The following CDH22 variants were observed in gnomAD, a reference collection of about 807,000 sequenced individuals.
CDH22 encodes cadherin 22, also known as cadherin-22.
CDH22 carries 30 observed loss-of-function variants against 58.4 expected under a neutral mutation model. That is an observed-to-expected ratio of 0.51 (90% CI 0.38 to 0.70). The LOEUF is 0.70. Among genes scored for constraint, CDH22 ranks in the 30% least tolerant of loss-of-function variants. CDH22 has a pLI of 0.00. For missense variants in CDH22, 1,014 were observed against 1,233.9 expected (o/e 0.82, Z 2.67); for synonymous variants, 513 against 558.2 (o/e 0.92, Z 1.14).
chr20:46,210,705 G>A lies in CDH22; in HGVS notation c.1033-145C>T, dbSNP rs1000172161. ...GCAGGGATGTTTGGGCTGCATTGCA[G>A]AACTGACCCAGACCAACCCGGTGGG... On this transcript the variant is annotated intron_variant, in intron 6 of 11. Coordinates refer to ENST00000537909, the MANE Select transcript of CDH22 (RefSeq NM_021248.3). This position sits in a 1 kb window ranked among gnomAD's most constrained non-coding sequence, Gnocchi z 4.5. The A allele has an allele frequency of 5.6e-6, 4 of 717,044 alleles. No homozygotes were observed. In the African/African-American group the frequency reaches 7.5e-5, roughly 13 times the overall value. The allele number at this position is 717,044 out of a possible 1,614,324, so 44.4% of individuals were successfully genotyped here. A position where few individuals can be genotyped will look rare whatever the true frequency, so the allele number is the denominator to read the frequency against.
intron 5 of CDH22, among the ~76,000 whole-genome samples, chr20:46,215,610 T>C (rs1600700477): frequency 6.6e-6 from 1 of 152,158 alleles, no homozygotes; most frequent in Non-Finnish European, 1.5e-5. Context: ...ATTGTTTGCT[T>C]TATAATTATT....
At chr20:46,304,230 C>T (rs1014754701) in intron 1 of CDH22, among the ~76,000 whole-genome samples, 3 of 152,098 alleles carry the variant, frequency 2.0e-5, no homozygotes, top group African/African-American at 4.8e-5. Flanking sequence ...ATGTGCAAAA[C>T]CAAACAAGGA....
At chr20:46,208,063 C>T (rs1568658654) in intron 7 of CDH22, among the ~76,000 whole-genome samples, 1 of 152,224 alleles carries the variant, frequency 6.6e-6, no homozygotes, top group Non-Finnish European at 1.5e-5. Context: ...CTCAAATAAA[C>T]TTTCCCTCCC....
intron 1 of CDH22, among the ~76,000 whole-genome samples, chr20:46,257,735 G>T (rs1307139321): frequency 6.6e-6 from 1 of 152,202 alleles, no homozygotes; most frequent in African/African-American, 2.4e-5. Flanking sequence ...AGGTCCTGCT[G>T]CAGGTAGCAA....
chr20:46,232,447 A>G (rs2086226161), intron 3 of CDH22, among the ~76,000 whole-genome samples: 1 of 152,084 alleles, frequency 6.6e-6, no homozygotes, highest in African/African-American at 2.4e-5. Context: ...GAGACCCCTT[A>G]ATGAGAGAAA....
chr20:46,272,779 T>C (rs1038435611), intron 1 of CDH22, among the ~76,000 whole-genome samples: 6 of 152,252 alleles, frequency 3.9e-5, no homozygotes, highest in Non-Finnish European at 7.3e-5. Context: ...ACAAGGGATG[T>C]CATTTGTTTG....
intron 1 of CDH22, among the ~76,000 whole-genome samples, chr20:46,301,733 C>T (rs148922794): frequency 0.027 from 4,045 of 152,040 alleles, 82 homozygotes; most frequent in Admixed American, 0.033. Context: ...ATTGCTTGAA[C>T]CCGGGAGGCA....
intron 10 of CDH22, among the ~76,000 whole-genome samples, chr20:46,178,570 C>T (rs1351208698): frequency 1.4e-5 from 2 of 142,410 alleles, no homozygotes; most frequent in Non-Finnish European, 3.1e-5. Flanking sequence ...GGCCAAGGTC[C>T]TGTCCCTGGC....
intron 1 of CDH22, among the ~76,000 whole-genome samples, chr20:46,287,348 C>T (rs1441497009): frequency 6.6e-6 from 1 of 152,176 alleles, no homozygotes; most frequent in Non-Finnish European, 1.5e-5. Context: ...TATTAACTCA[C>T]GACTTCATTA....
intron 1 of CDH22, among the ~76,000 whole-genome samples, chr20:46,263,714 G>A (rs2086445296): frequency 6.6e-6 from 1 of 152,162 alleles, no homozygotes; most frequent in Non-Finnish European, 1.5e-5. Flanking sequence ...AAAGGCCAGG[G>A]GAAGAGCAGA....
At chr20:46,231,950 T>C (rs1332848765) in intron 3 of CDH22, among the ~76,000 whole-genome samples, 1 of 152,196 alleles carries the variant, frequency 6.6e-6, no homozygotes, top group East Asian at 1.9e-4. Flanking sequence ...AAGGACCCAG[T>C]GTGTCGTGGG....
intron 1 of CDH22, among the ~76,000 whole-genome samples, chr20:46,287,768 C>T (rs2086582646): frequency 6.6e-6 from 1 of 152,120 alleles, no homozygotes. Context: ...GTTTGGAACT[C>T]ACCCAGGCTA....
chr20:46,235,185 A>T lies in CDH22; in HGVS notation c.550+5778T>A, dbSNP rs147069953. Reference sequence around the variant, plus strand: ...GAATTTCTCATTTCTGTCTTCAGTAACTTCAATAGTGCCAGGCATAGTGTC... The same window carrying T: ...GAATTTCTCATTTCTGTCTTCAGTATCTTCAATAGTGCCAGGCATAGTGTC... On this transcript the variant is annotated intron_variant, in intron 3 of 11. Transcript: ENST00000537909. Among the ~76,000 whole-genome samples the T allele has an allele frequency of 7.7e-3, 1,178 of 152,348 alleles. 19 individuals carry two copies. Among genetic ancestry groups the T allele is most frequent in the Admixed American group, 0.027 (410 of 15,304 alleles).
intron 2 of CDH22, among the ~76,000 whole-genome samples, chr20:46,249,703 T>C (rs1450399274): frequency 6.6e-6 from 1 of 152,140 alleles, no homozygotes; most frequent in Non-Finnish European, 1.5e-5. Context: ...CCTGGAAAGC[T>C]AATTGGCCCT....
chr20:46,252,101 C>T (rs1354157452), intron 1 of CDH22, among the ~76,000 whole-genome samples: 4 of 151,900 alleles, frequency 2.6e-5, no homozygotes, highest in African/African-American at 9.7e-5. Flanking sequence ...TCTTCAAGAG[C>T]CCCCAAGACC....
At chr20:46,284,768 C>G (rs1441395255) in intron 1 of CDH22, among the ~76,000 whole-genome samples, 1 of 152,200 alleles carries the variant, frequency 6.6e-6, no homozygotes, top group Non-Finnish European at 1.5e-5. Flanking sequence ...TTCTGTCCCT[C>G]CAGGCCGCCT....
chr20:46,195,388 G>T (rs115247333), intron 8 of CDH22, among the ~76,000 whole-genome samples: 1 of 152,202 alleles, frequency 6.6e-6, no homozygotes, highest in African/African-American at 2.4e-5. Flanking sequence ...ATCATAACAC[G>T]TGCTCTGTGG....
At chr20:46,245,855 C>T (rs1368960794) in intron 2 of CDH22, among the ~76,000 whole-genome samples, 2 of 152,092 alleles carry the variant, frequency 1.3e-5, no homozygotes, top group Non-Finnish European at 2.9e-5. Flanking sequence ...ACTCTCTCCC[C>T]GTCGTGTAGA....
At chr20:46,175,891 C>T (rs1482280638) in intron 11 of CDH22, among the ~76,000 whole-genome samples, 2 of 152,306 alleles carry the variant, frequency 1.3e-5, no homozygotes, top group East Asian at 3.9e-4. Context: ...AAAACACACA[C>T]CCTAAGCTAG....
Sources: gnomAD v4.1 joint callset for allele counts (sites outside exome capture counted in the v4.1 genomes callset) on GRCh38, gnomAD v4.1.1 for gene constraint, Gnocchi (gnomAD v3.1) non-coding constraint, MANE v1.5 for transcripts, NCBI Gene and HGNC (gene_info 2026-07-23, HGNC 2026-07-21) for gene names.